The following MTUS2 variants were observed in gnomAD, a reference collection of about 807,000 sequenced individuals.
MTUS2 encodes the protein microtubule-associated tumor suppressor candidate 2.
MTUS2 carries 40 observed loss-of-function variants against 114.1 expected under a neutral mutation model. That is an observed-to-expected ratio of 0.35 (90% CI 0.27 to 0.46). The LOEUF (loss-of-function observed/expected upper bound fraction) is 0.46. Among genes scored for constraint, MTUS2 ranks in the 20% least tolerant of loss-of-function variants. The pLI, the probability that MTUS2 is intolerant of heterozygous loss-of-function variation, is 1.00. For missense variants in MTUS2, 1,679 were observed against 1,705.4 expected (o/e 0.98, Z 0.27); for synonymous variants, 688 against 672.0 (o/e 1.02, Z -0.37).
At chr13:28,866,209 G>A (rs1877288470) in intron 2 of MTUS2, among the ~76,000 whole-genome samples, 1 of 152,140 alleles carries the variant, frequency 6.6e-6, no homozygotes, top group Non-Finnish European at 1.5e-5. Flanking sequence ...ACGACACGGT[G>A]CCACATTTCT....
chr13:29,116,275 T>C (rs1010444493), intron 5 of MTUS2, among the ~76,000 whole-genome samples: 16 of 152,348 alleles, frequency 1.1e-4, no homozygotes, highest in Non-Finnish European at 2.2e-4. Context: ...GTATTATTTT[T>C]ACCCTAAATA....
At chr13:29,295,121 C>CTT (rs574096841) in intron 6 of MTUS2, among the ~76,000 whole-genome samples, 1 of 143,692 alleles carries the variant, frequency 7.0e-6, no homozygotes, top group African/African-American at 2.5e-5. Context: ...TGGCTGTTGC[C>CTT]TTTTTTTTTT....
chr13:29,281,697 C>T lies in MTUS2; in HGVS notation c.2645-7C>T. ...GTTATAATTAACACGCTGTCTGCCTCCCACAGGTTCAACCTTTGGGAATGA... is the reference window on the plus strand; with the variant it reads ...GTTATAATTAACACGCTGTCTGCCTTCCACAGGTTCAACCTTTGGGAATGA... On this transcript the variant is annotated splice_polypyrimidine_tract_variant and splice_region_variant and intron_variant, in intron 5 of 15. Transcript: ENST00000612955. 3 of 1,599,778 alleles carry T rather than the reference C, an allele frequency of 1.9e-6. No individual in the cohort carries two copies. The highest frequency in any genetic ancestry group is 1.7e-6 in the Non-Finnish European group (2 of 1,170,660).
chr13:29,116,825 A>C (rs1927838), intron 5 of MTUS2, among the ~76,000 whole-genome samples: 70,072 of 151,932 alleles, frequency 0.46, 16,849 homozygotes, highest in Non-Finnish European at 0.51. Context: ...CTGAACAATG[A>C]AGCATGAGAT....
intron 9 of MTUS2, among the ~76,000 whole-genome samples, chr13:29,451,502 A>G (rs1878677947): frequency 6.6e-6 from 1 of 152,182 alleles, no homozygotes; most frequent in South Asian, 2.1e-4. Flanking sequence ...ATATATACCA[A>G]GCTCTTTCCT....
At chr13:29,169,681 T>C (rs1483913933) in intron 5 of MTUS2, among the ~76,000 whole-genome samples, 1 of 152,226 alleles carries the variant, frequency 6.6e-6, no homozygotes, top group Non-Finnish European at 1.5e-5. Flanking sequence ...ATCTATCACT[T>C]TGCTGTGCAA....
At chr13:29,089,283 CG>C (rs1359807092) in intron 4 of MTUS2, among the ~76,000 whole-genome samples, 1 of 152,138 alleles carries the variant, frequency 6.6e-6, no homozygotes, top group Non-Finnish European at 1.5e-5. Flanking sequence ...TATAGGGCCC[CG>C]ATCTCTTTTG....
intron 5 of MTUS2, among the ~76,000 whole-genome samples, chr13:29,271,398 T>G (rs1897876608): frequency 6.6e-6 from 1 of 152,228 alleles, no homozygotes; most frequent in South Asian, 2.1e-4. Flanking sequence ...TTGCCAATCA[T>G]GCACTTCCTT....
rs1888287965 is a variant in MTUS2 at position 29,059,189 on chromosome 13, G to A, written c.2446+25064G>A. On this transcript the variant is annotated intron_variant, in intron 4 of 15. Coordinates refer to ENST00000612955, the MANE Select transcript of MTUS2 (RefSeq NM_001033602.4). ...CACTGGTTCTTTCTCATCTGTGTGG[G>A]CTGATTTTCCTTCAGTCTTTGAAGT... 1.3e-5 allele frequency among the ~76,000 whole-genome samples: 2 copies of A among 148,748 alleles called. 1 individual carries two copies. The highest frequency in any genetic ancestry group is 4.3e-4 in the South Asian group (2 of 4,688).
chr13:28,889,431 A>G (rs558212999), intron 2 of MTUS2, among the ~76,000 whole-genome samples: 15 of 152,290 alleles, frequency 9.8e-5, no homozygotes, highest in African/African-American at 3.4e-4. Context: ...CAGTCATCAC[A>G]GACTTTGGTG....
At chr13:29,319,149 A>T (rs992255097) in intron 6 of MTUS2, among the ~76,000 whole-genome samples, 19 of 152,190 alleles carry the variant, frequency 1.2e-4, no homozygotes, top group Admixed American at 3.3e-4. Flanking sequence ...GCATTTATTG[A>T]TTAAGGAGCT....
rs554294572 is a variant in MTUS2, at chr13:29,222,591, GGCGTA to G, written c.2645-59110_2645-59106del. ...CCATGATGCCAGCTGCAGTGGGAGA[GGCGTA>G]GCTGGGGCTGCATGCTCCACAGAGC... On this transcript the variant is annotated intron_variant, in intron 5 of 15. Coordinates refer to ENST00000612955, the MANE Select transcript of MTUS2 (RefSeq NM_001033602.4). 2.5e-3 allele frequency among the ~76,000 whole-genome samples: 384 copies of G among 152,368 alleles called. 1 individual carries two copies. The highest frequency in any genetic ancestry group is 4.2e-3 in the Non-Finnish European group (289 of 68,042).
At chr13:29,361,469 T>TA (rs902929339) in intron 8 of MTUS2, among the ~76,000 whole-genome samples, 13 of 151,924 alleles carry the variant, frequency 8.6e-5, no homozygotes, top group East Asian at 3.9e-4. Flanking sequence ...GTTTTTTTTT[T>TA]AAAAAGTTAA....
intron 2 of MTUS2, among the ~76,000 whole-genome samples, chr13:28,855,900 A>G (rs908674811): frequency 6.6e-6 from 1 of 152,160 alleles, no homozygotes; most frequent in Non-Finnish European, 1.5e-5. Context: ...ACAGTGTAAA[A>G]GCGTTCCTAT....
At chr13:28,881,012 TGGG>T (rs997193603) in intron 2 of MTUS2, among the ~76,000 whole-genome samples, 8 of 152,296 alleles carry the variant, frequency 5.3e-5, no homozygotes, top group African/African-American at 9.6e-5. Flanking sequence ...TTTTTAGACT[TGGG>T]GGGTTTGTTA....
intron 2 of MTUS2, among the ~76,000 whole-genome samples, chr13:28,895,209 C>T (rs1294778511): frequency 6.6e-6 from 1 of 152,304 alleles, no homozygotes; most frequent in East Asian, 1.9e-4. Context: ...TACAGTGGGA[C>T]TCCCTTAGAA....
intron 2 of MTUS2, among the ~76,000 whole-genome samples, chr13:28,950,941 G>A (rs534380630): frequency 1.3e-5 from 2 of 152,232 alleles, no homozygotes; most frequent in South Asian, 2.1e-4. Flanking sequence ...TCTGTGAAAC[G>A]CAATAAAGTG....
At chr13:28,995,957 G>T (rs1206079398) in intron 2 of MTUS2, among the ~76,000 whole-genome samples, 1 of 152,090 alleles carries the variant, frequency 6.6e-6, no homozygotes, top group Non-Finnish European at 1.5e-5. Flanking sequence ...GTGACAGAGG[G>T]GATCCCTGTC....
At chr13:29,075,618 C>T (rs1255103126) in intron 4 of MTUS2, among the ~76,000 whole-genome samples, 2 of 152,146 alleles carry the variant, frequency 1.3e-5, no homozygotes, top group Non-Finnish European at 2.9e-5. Context: ...AAAATAAAGC[C>T]TTTCTCTACC....
Sources: allele counts gnomAD v4.1 joint callset (sites outside exome capture counted in the v4.1 genomes callset), GRCh38; gene constraint gnomAD v4.1.1; transcripts MANE v1.5; gene names NCBI Gene and HGNC (gene_info 2026-07-23, HGNC 2026-07-21).